Variants in MYBPHL observed in about 807,000 individuals in gnomAD.
MYBPHL encodes the protein myosin-binding protein H-like.
Under a neutral mutation model 39.5 loss-of-function variants are expected in MYBPHL, and 32 were observed. That is an observed-to-expected ratio of 0.81 (90% CI 0.61 to 1.09). MYBPHL has a LOEUF of 1.09. MYBPHL is among the 50% of genes least tolerant of loss of function. MYBPHL has a pLI of 0.00. For missense variants in MYBPHL, 456 were observed against 460.2 expected (o/e 0.99, Z 0.08); for synonymous variants, 196 against 183.7 (o/e 1.07, Z -0.54).
At chr1:109,297,703 C>T (rs569481290) in intron 2 of MYBPHL, 86 bp from the exon 3 acceptor site, 188 of 1,249,412 alleles carry the variant, frequency 1.5e-4, no homozygotes, top group Middle Eastern at 5.6e-4. Context: ...CACCCCAGGT[C>T]CACAGGGAGG....
intron 8 of MYBPHL, among the ~76,000 whole-genome samples, chr1:109,293,294 G>C (rs1657929416): frequency 6.6e-6 from 1 of 152,140 alleles, no homozygotes; most frequent in South Asian, 2.1e-4. Context: ...ATCTCCTTAT[G>C]ATTAGGTGGA....
Position 109,297,566 on chromosome 1 carries a change from T to G in MYBPHL, c.286A>C (p.Thr96Pro). The change falls in exon 3 of 9, where the codon ACC becomes CCC. Residue 96 changes from threonine (T) to proline (P), a missense_variant. Thr to Pro is a conservative substitution (Grantham distance 38, BLOSUM62 -1). Coordinates refer to ENST00000357155, the MANE Select transcript of MYBPHL (RefSeq NM_001010985.3). ...IWTHDGCALD[T>P]RRVSVRNGEQ... The stretch of plus-strand genomic sequence containing the variant: ...CCATTCCGCACACTCACACGCCTGG[T>G]GTCCAAGGCACAGCCATCATGTGTC... 1.2e-6 allele frequency: 2 copies of G among 1,613,918 alleles called. No individual in the cohort carries two copies. Among genetic ancestry groups the G allele is most frequent in the Non-Finnish European group, 1.7e-6 (2 of 1,180,030 alleles).
At position 109,305,456 on chromosome 1, in the gene MYBPHL, G is replaced by A. The variant is rs531944470; in HGVS notation, c.145+1391C>T. On this transcript the variant is annotated intron_variant, in intron 1 of 8. Coordinates refer to ENST00000357155, the MANE Select transcript of MYBPHL (RefSeq NM_001010985.3). ...GGCTTTGGGCTGCATTTGCGGGCCC[G>A]TGACTGGGGGCTGTCAGGAGCTGGC... Among the ~76,000 whole-genome samples the A allele has an allele frequency of 1.5e-3, 228 of 152,316 alleles. 3 individuals are homozygous for A. The highest frequency in any genetic ancestry group is 3.1e-3 in the East Asian group (16 of 5,184).
chr1:109,302,064 T>A (rs1658309061), intron 1 of MYBPHL, among the ~76,000 whole-genome samples: 1 of 151,672 alleles, frequency 6.6e-6, no homozygotes, highest in Non-Finnish European at 1.5e-5. Flanking sequence ...TGTGAGTGTA[T>A]GTGTGTGAAT....
intron 1 of MYBPHL, among the ~76,000 whole-genome samples, chr1:109,306,052 A>G (rs1189302303): frequency 6.6e-6 from 1 of 152,192 alleles, no homozygotes; most frequent in Non-Finnish European, 1.5e-5. Flanking sequence ...CTCCAAGTCT[A>G]GTATATCTTT....
At chr1:109,302,751 C>T (rs1013389867) in intron 1 of MYBPHL, among the ~76,000 whole-genome samples, 6 of 152,200 alleles carry the variant, frequency 3.9e-5, no homozygotes, top group African/African-American at 1.4e-4. Context: ...ATCAGAATTA[C>T]AAGCATCCCA....
intron 3 of MYBPHL, 115 bp downstream of exon 3, chr1:109,297,307 C>A: frequency 6.4e-7 from 1 of 1,564,920 alleles, no homozygotes; most frequent in East Asian, 2.3e-5. Context: ...ACCCTGTGTC[C>A]CAGACATGAC....
chr1:109,295,407 G>C (rs1658026648), intron 6 of MYBPHL, 110 bp from the exon 7 acceptor site: 14 of 982,306 alleles, frequency 1.4e-5, no homozygotes, highest in Admixed American at 2.6e-5. Context: ...TGGCTTTCTG[G>C]AAGGCTCCCT....
chr1:109,305,655 G>C (rs1388850717), intron 1 of MYBPHL, among the ~76,000 whole-genome samples: 1 of 152,188 alleles, frequency 6.6e-6, no homozygotes, highest in Admixed American at 6.5e-5. Context: ...CATCACCCCA[G>C]CTTAATATAT....
Position 109,295,235 on chromosome 1 carries a change from C to CAGGG in MYBPHL, c.926_929dup (p.Thr311ProfsTer18), listed in dbSNP as rs778112283. On this transcript the variant is annotated frameshift_variant, in exon 7 of 9. Coordinates refer to ENST00000357155, the MANE Select transcript of MYBPHL (RefSeq NM_001010985.3). LOFTEE classifies it high-confidence loss of function. ...CTAGGGAGCAGATTCCCAGGTGAGTCAGGGCTCTGTACTTAGGGTTGCCTT... is the reference window on the plus strand; with the variant it reads ...CTAGGGAGCAGATTCCCAGGTGAGTCAGGGAGGGCTCTGTACTTAGGGTTGCCTT... 6.2e-7 allele frequency: 1 copy of CAGGG among 1,614,138 alleles called. No individual in the cohort carries two copies. The highest frequency in any genetic ancestry group is 1.1e-5 in the South Asian group (1 of 91,076).
chr1:109,304,996 T>C (rs1224044297), intron 1 of MYBPHL, among the ~76,000 whole-genome samples: 1 of 152,156 alleles, frequency 6.6e-6, no homozygotes, highest in Non-Finnish European at 1.5e-5. Context: ...AAGAAAGGCT[T>C]TGGAGCTCTC....
chr1:109,298,959 A>G (rs1350707792), intron 1 of MYBPHL, among the ~76,000 whole-genome samples: 3 of 152,206 alleles, frequency 2.0e-5, no homozygotes, highest in African/African-American at 7.2e-5. Flanking sequence ...AGTGAGAAGT[A>G]GAGATTAGAT....
Position 109,297,181 on chromosome 1 carries a change from C to A in MYBPHL, c.439G>T (p.Gly147Cys). ...TIDILVIERP[G>C]PPQSIKLVDV... is the part of the protein sequence containing the mutation. ...ACCAGCTTAATACTCTGAGGAGGGC[C>A]TGGCCTCTCTGAAAGGGCAAAGCCA... is the stretch of plus-strand genomic sequence containing the variant. The change falls in exon 4 of 9, where the codon GGC becomes TGC. Residue 147 changes from glycine (G) to cysteine (C), a missense_variant. Physicochemically the swap from Gly to Cys is radical, Grantham distance 159 (BLOSUM62 -3). Transcript: ENST00000357155. The A allele has an allele frequency of 6.2e-7, 1 of 1,614,210 alleles. No homozygotes were observed. Among genetic ancestry groups the A allele is most frequent in the Non-Finnish European group, 8.5e-7 (1 of 1,180,032 alleles).
At position 109,297,401 on chromosome 1, in the gene MYBPHL, C is replaced by G. The variant is rs374296022; in HGVS notation, c.430+21G>C. Reference sequence around the variant, plus strand: ...AGGGAGTTCCTGAGGACCCCCCCATCTCCCACTTCCCCCACCGTACCAATC... The same window carrying G: ...AGGGAGTTCCTGAGGACCCCCCCATGTCCCACTTCCCCCACCGTACCAATC... On this transcript the variant is annotated intron_variant, in intron 3 of 8. Transcript: ENST00000357155. The G allele has an allele frequency of 3.7e-6, 6 of 1,601,998 alleles. No individual in the cohort carries two copies. In the African/African-American group the frequency reaches 6.7e-5, roughly 18 times the overall value.
intron 1 of MYBPHL, among the ~76,000 whole-genome samples, chr1:109,301,046 C>T (rs978464460): frequency 6.6e-6 from 1 of 152,204 alleles, no homozygotes; most frequent in Non-Finnish European, 1.5e-5. Flanking sequence ...CAGCAGCATG[C>T]TCTCCAATCG....
At chr1:109,305,353 T>C (rs776060192) in intron 1 of MYBPHL, among the ~76,000 whole-genome samples, 3 of 152,192 alleles carry the variant, frequency 2.0e-5, no homozygotes, top group Non-Finnish European at 2.9e-5. Context: ...GCCAGTGACT[T>C]CTGGGATACC....
At chr1:109,299,707 G>A (rs1040480411) in intron 1 of MYBPHL, among the ~76,000 whole-genome samples, 2 of 152,332 alleles carry the variant, frequency 1.3e-5, no homozygotes, top group African/African-American at 2.4e-5. Context: ...TGCACCTCAG[G>A]AATATGTGAC....
At position 109,297,521 on chromosome 1, in the gene MYBPHL, A is replaced by G. The variant is rs1220557674; in HGVS notation, c.331T>C (p.Phe111Leu). 6.2e-7 allele frequency: 1 copy of G among 1,613,688 alleles called. No homozygotes were observed. Among genetic ancestry groups the G allele is most frequent in the East Asian group, 2.2e-5 (1 of 44,888 alleles). Residue 111 changes from phenylalanine to leucine, a missense_variant, in exon 3 of 9, where the codon TTC becomes CTC. Physicochemically the swap from Phe to Leu is conservative, Grantham distance 22 (BLOSUM62 0). Transcript: ENST00000357155. The stretch of plus-strand genomic sequence containing the variant: ...TCAGCACGTTGGGCTTCTCGGATGA[A>G]GAGGATGGAGTCTTGCTCCCCATTC... ...VRNGEQDSIL[F>L]IREAQRADSG...
At position 109,300,175 on chromosome 1, in the gene MYBPHL, A is replaced by C. The variant is rs181408882; in HGVS notation, c.146-1918T>G. Reference sequence around the variant, plus strand: ...GCACCAGAACAAGGATGCTGGGAGCAAGAGGGCTCCGAGAAAGAAGCCGGT... The same window carrying C: ...GCACCAGAACAAGGATGCTGGGAGCCAGAGGGCTCCGAGAAAGAAGCCGGT... On this transcript the variant is annotated intron_variant, in intron 1 of 8. Transcript: ENST00000357155. 3.7e-3 allele frequency among the ~76,000 whole-genome samples: 571 copies of C among 152,294 alleles called. 5 individuals are homozygous for C. The highest frequency in any genetic ancestry group is 4.6e-3 in the Non-Finnish European group (316 of 68,016).
Sources: allele counts gnomAD v4.1 joint callset (sites outside exome capture counted in the v4.1 genomes callset), GRCh38; gene constraint gnomAD v4.1.1; transcripts MANE v1.5; gene names NCBI Gene and HGNC (gene_info 2026-07-23, HGNC 2026-07-21).